LRP2: variants seen among roughly 807,000 people sequenced by gnomAD.
LRP2 encodes the protein LDL receptor related protein 2, also known as low-density lipoprotein receptor-related protein 2.
LRP2 carries 172 observed loss-of-function variants against 531.0 expected under a neutral mutation model. The ratio of observed to expected loss-of-function variants is 0.32; its 90% CI spans 0.29 to 0.37. The LOEUF is 0.37. Ranked by LOEUF, LRP2 falls within the 10% of genes least tolerant of loss-of-function variation. LRP2 has a pLI of 1.00. For synonymous variants in LRP2, 1,992 were observed against 2,027.6 expected (o/e 0.98, Z 0.47); for missense variants, 5,167 against 5,868.3 (o/e 0.88, Z 3.90).
intron 1 of LRP2, among the ~76,000 whole-genome samples, chr2:169,328,190 G>C (rs1381367894): frequency 1.7e-5 from 2 of 119,754 alleles, no homozygotes; most frequent in African/African-American, 3.2e-5. Context: ...GAGGGAGGTG[G>C]GGGGGTCAGC....
At position 169,353,306 on chromosome 2, in the gene LRP2, AT is replaced by A. The variant is rs541359898; in HGVS notation, c.79+9014del. ...TAGGATCAAGGAAACACGTAGCCCCATTTGCCCTGGCAGCCATATCAGAATC... is the reference window on the plus strand; with the variant it reads ...TAGGATCAAGGAAACACGTAGCCCCATTGCCCTGGCAGCCATATCAGAATC... On this transcript the variant is annotated intron_variant, in intron 1 of 78. Transcript: ENST00000649046. Among the ~76,000 whole-genome samples the A allele has an allele frequency of 1.1e-4, 17 of 152,290 alleles. 1 individual carries two copies. The South Asian group carries it at 3.3e-3, about 30-fold the overall frequency.
Position 169,290,933 on chromosome 2 carries a change from T to C in LRP2, c.834A>G (p.Arg278=), listed in dbSNP as rs760566189. ...CACAAACTTTATAAATGGAGATGCA[T>C]CGTCCCGACTCTGGGCAAGACCATT... ...PREWSCPESG[R]CISIYKVCDG... is the part of the protein sequence containing the mutation. Residue 278 remains arginine (R), a synonymous_variant, in exon 8 of 79, where the codon CGA becomes CGG. Coordinates refer to ENST00000649046, the MANE Select transcript of LRP2 (RefSeq NM_004525.3). The C allele has an allele frequency of 1.9e-6, 3 of 1,614,108 alleles. No individual in the cohort carries two copies. Among genetic ancestry groups the C allele is most frequent in the South Asian group, 2.2e-5 (2 of 91,074 alleles).
At chr2:169,358,001 T>C (rs1686037876) in intron 1 of LRP2, among the ~76,000 whole-genome samples, 1 of 152,172 alleles carries the variant, frequency 6.6e-6, no homozygotes, top group South Asian at 2.1e-4. Context: ...GGCACTGACA[T>C]GGCATCAGTT....
chr2:169,161,364 A>T (rs1045498133), intron 63 of LRP2, among the ~76,000 whole-genome samples: 1 of 152,218 alleles, frequency 6.6e-6, no homozygotes, highest in Non-Finnish European at 1.5e-5. Context: ...ACTTAGTAAC[A>T]TGTCATTTTA....
chr2:169,279,400 T>C lies in LRP2; in HGVS notation c.1537A>G (p.Arg513Gly), dbSNP rs759489202. 4.3e-6 allele frequency: 7 copies of C among 1,614,020 alleles called. No individual in the cohort carries two copies. In the South Asian group the frequency reaches 5.5e-5, roughly 13 times the overall value. The change falls in exon 12 of 79, where the codon AGA (arginine) becomes GGA (glycine). Residue 513 changes from arginine to glycine, a missense_variant. Arg to Gly is a moderately radical substitution (Grantham distance 125). Transcript: ENST00000649046. ...TLITENLGHP[R>G]GIAVDPTVGY... is the part of the protein sequence containing the mutation. ...ACAGTTGGGTCCACGGCAATTCCTCTAGGATGCCCCAAGTTTTCAGTTATA... is the reference window on the plus strand; with the variant it reads ...ACAGTTGGGTCCACGGCAATTCCTCCAGGATGCCCCAAGTTTTCAGTTATA...
In LRP2 at chr2:169,211,956, G is replaced by C. The variant is rs369201373; in HGVS notation, c.6280+12C>G. The C allele has an allele frequency of 3.7e-6, 6 of 1,613,630 alleles. No homozygotes were observed. Among genetic ancestry groups the C allele is most frequent in the Non-Finnish European group, 4.2e-6 (5 of 1,179,802 alleles). On this transcript the variant is annotated intron_variant, in intron 37 of 78. Coordinates refer to ENST00000649046, the MANE Select transcript of LRP2 (RefSeq NM_004525.3). The stretch of plus-strand genomic sequence containing the variant: ...ATGAAGTCAAATCTTACTTATATTG[G>C]AGTTGGCATACCTTGGCCTGCCACC...
Position 169,206,812 on chromosome 2 carries a change from G to T in LRP2, c.6908C>A (p.Ala2303Asp). The part of the protein sequence containing the change: ...VDRNLKKIFQ[A>D]SKEPENTEPP... Reference sequence around the variant, plus strand: ...CTCTGTGTTCTCTGGTTCCTTGCTGGCTTGGAAGATCTTTTTCAAATTCCT... The same window carrying T: ...CTCTGTGTTCTCTGGTTCCTTGCTGTCTTGGAAGATCTTTTTCAAATTCCT... Residue 2303 changes from alanine to aspartate, a missense_variant, in exon 39 of 79, where the codon GCC becomes GAC. Ala to Asp is a moderately radical substitution (Grantham distance 126, BLOSUM62 -2). Around this residue, in one of 6 missense-constraint regions of LRP2, gnomAD observed 2,811 missense variants for 3,058.0 expected, o/e 0.92. Coordinates refer to ENST00000649046, the MANE Select transcript of LRP2 (RefSeq NM_004525.3). 2 of 1,614,096 alleles carry T rather than the reference G, an allele frequency of 1.2e-6. No individual in the cohort carries two copies. Among genetic ancestry groups the T allele is most frequent in the Non-Finnish European group, 1.7e-6 (2 of 1,180,008 alleles).
At chr2:169,257,675 T>C (rs1405628775) in intron 17 of LRP2, among the ~76,000 whole-genome samples, 1 of 151,986 alleles carries the variant, frequency 6.6e-6, no homozygotes, top group Non-Finnish European at 1.5e-5. Context: ...CATTCTTCCA[T>C]AAGGAATTGA....
intron 16 of LRP2, among the ~76,000 whole-genome samples, chr2:169,270,392 G>A (rs1683373470): frequency 6.6e-6 from 1 of 152,128 alleles, no homozygotes; most frequent in South Asian, 2.1e-4. Flanking sequence ...TTAAGAAAAT[G>A]TGTTACATAT....
intron 2 of LRP2, 47 bp from the exon 3 acceptor site, chr2:169,318,931 T>C: frequency 6.2e-7 from 1 of 1,611,836 alleles, no homozygotes; most frequent in Non-Finnish European, 8.5e-7. Flanking sequence ...ATCCTCCCCA[T>C]TATACTAGCA....
At chr2:169,219,731 T>C (rs2216239) in intron 34 of LRP2, among the ~76,000 whole-genome samples, 55,726 of 151,952 alleles carry the variant, frequency 0.37, 10,438 homozygotes, top group South Asian at 0.62. Context: ...AACTAACTAT[T>C]GGGTACTATG....
chr2:169,176,283 TC>T, intron 54 of LRP2, 127 bp downstream of exon 54: 7 of 1,000,776 alleles, frequency 7.0e-6, no homozygotes, highest in Non-Finnish European at 1.1e-5. Context: ...CTTGCTGTGT[TC>T]CACATGAACC....
intron 19 of LRP2, 101 bp from the exon 20 acceptor site, chr2:169,247,616 C>G (rs1019800274): frequency 1.7e-6 from 2 of 1,204,466 alleles, no homozygotes; most frequent in Non-Finnish European, 2.4e-6. Context: ...CTTGCAAGTA[C>G]GATCATCTCC....
At chr2:169,344,096 A>G (rs1376748290) in intron 1 of LRP2, among the ~76,000 whole-genome samples, 2 of 152,142 alleles carry the variant, frequency 1.3e-5, no homozygotes, top group Admixed American at 1.3e-4. Context: ...ATGGTTTTAT[A>G]ATTTTCCAGC....
At chr2:169,136,682 T>G (rs938151781) in intron 76 of LRP2, among the ~76,000 whole-genome samples, 22 of 126,362 alleles carry the variant, frequency 1.7e-4, no homozygotes, top group Admixed American at 1.6e-3. Context: ...CCCCTTTGAC[T>G]GTAATTTTCC....
At chr2:169,331,641 G>A (rs1296304433) in intron 1 of LRP2, among the ~76,000 whole-genome samples, 1 of 152,134 alleles carries the variant, frequency 6.6e-6, no homozygotes, top group Non-Finnish European at 1.5e-5. Flanking sequence ...ATGTTGAAAA[G>A]AACACTATCC....
At chr2:169,174,965 G>A (rs1687134790) in intron 55 of LRP2, among the ~76,000 whole-genome samples, 1 of 147,296 alleles carries the variant, frequency 6.8e-6, no homozygotes, top group Non-Finnish European at 1.5e-5. Context: ...GCCACCAGTA[G>A]AGACAACTTA....
chr2:169,247,964 C>T (rs908561967), intron 19 of LRP2, among the ~76,000 whole-genome samples: 3 of 152,138 alleles, frequency 2.0e-5, no homozygotes, highest in African/African-American at 7.2e-5. Flanking sequence ...TCAAACAGTT[C>T]ATATTCTATG....
At position 169,238,280 on chromosome 2, in the gene LRP2, A is replaced by G; in HGVS notation, c.4317T>C (p.Leu1439=). The stretch of plus-strand genomic sequence containing the variant: ...CAATAATTTTGTTCTGACTTGCCAC[A>G]AGTAACAGCAGACTCTCAGATGCTG... ...KVTASESLLL[L]VASQNKIIAD... is the part of the protein sequence containing the mutation. The change falls in exon 27 of 79, where the codon CTT becomes CTC. Residue 1439 remains leucine (L), a synonymous_variant. Coordinates refer to ENST00000649046, the MANE Select transcript of LRP2 (RefSeq NM_004525.3). The G allele has an allele frequency of 6.2e-7, 1 of 1,614,042 alleles. No individual in the cohort carries two copies. The highest frequency in any genetic ancestry group is 8.5e-7 in the Non-Finnish European group (1 of 1,179,888).
Sources: gnomAD v4.1 joint callset for allele counts (sites outside exome capture counted in the v4.1 genomes callset) on GRCh38, gnomAD v4.1.1 for gene constraint, gnomAD v4.1.1 regional missense constraint, MANE v1.5 for transcripts, NCBI Gene and HGNC (gene_info 2026-07-23, HGNC 2026-07-21) for gene names.